The following ENTREP2 variants were observed in gnomAD, a reference collection of about 807,000 sequenced individuals.
ENTREP2 encodes protein ENTREP2.
chr15:29,454,505 C>G, the ENTREP2 span, among the ~76,000 whole-genome samples: 2 of 152,192 alleles, frequency 1.3e-5, no homozygotes, highest in Non-Finnish European at 2.9e-5. Flanking sequence ...TCAGCTCCCC[C>G]ACTCACTATC....
the ENTREP2 span, chr15:29,122,996 G>GTGTGACT: frequency 4.8e-6 from 1 of 206,940 alleles, no homozygotes. Context: ...TTTAGGTGAC[G>GTGTGACT]TAAGTGTCGC....
chr15:29,184,240 C>CTCCCAAAGTGCTGGGATTACA, the ENTREP2 span, among the ~76,000 whole-genome samples: 1 of 152,248 alleles, frequency 6.6e-6, no homozygotes, highest in Non-Finnish European at 1.5e-5. Context: ...CGGCCTCGGC[C>CTCCCAAAGTGCTGGGATTACA]TCCCAAAGTG....
At chr15:29,524,152 C>G in the ENTREP2 span, among the ~76,000 whole-genome samples, 9 of 152,042 alleles carry the variant, frequency 5.9e-5, no homozygotes, top group Non-Finnish European at 1.3e-4. Context: ...ATCCAAAATA[C>G]ATAAATAACT....
chr15:29,123,547 G>C, the ENTREP2 span: 3 of 1,551,782 alleles, frequency 1.9e-6, no homozygotes, highest in East Asian at 7.3e-5. Context: ...TTTGGAGGTC[G>C]CTGGGAAGGG....
At chr15:29,228,474 GGTATAAA>G in the ENTREP2 span, among the ~76,000 whole-genome samples, 1 of 152,120 alleles carries the variant, frequency 6.6e-6, no homozygotes, top group African/African-American at 2.4e-5. Flanking sequence ...TTGTTTGATG[GGTATAAA>G]GTTTCTATTA....
chr15:29,443,833 G>A, the ENTREP2 span, among the ~76,000 whole-genome samples: 2 of 152,062 alleles, frequency 1.3e-5, no homozygotes, highest in African/African-American at 2.4e-5. Context: ...GGCCGGGCGC[G>A]GTGGCTCACA....
chr15:29,522,207 A>G, the ENTREP2 span, among the ~76,000 whole-genome samples: 3 of 152,266 alleles, frequency 2.0e-5, no homozygotes, highest in African/African-American at 4.8e-5. Context: ...ACAAATCTTT[A>G]TAACTCTGGA....
At chr15:29,574,010 G>T in the ENTREP2 span, among the ~76,000 whole-genome samples, 1 of 151,982 alleles carries the variant, frequency 6.6e-6, no homozygotes, top group Non-Finnish European at 1.5e-5. Flanking sequence ...AAGAAAGAAA[G>T]GAAAGAAGAA....
chr15:29,535,305 C>A, the ENTREP2 span, among the ~76,000 whole-genome samples: 18 of 152,192 alleles, frequency 1.2e-4, no homozygotes, highest in Middle Eastern at 3.4e-3. Context: ...CTGAGAGTGT[C>A]CCTTATAACA....
the ENTREP2 span, chr15:29,151,812 G>T: frequency 6.4e-7 from 1 of 1,551,542 alleles, no homozygotes; most frequent in Non-Finnish European, 8.7e-7. Flanking sequence ...TGGACAGGAC[G>T]TTGAGGGCAC....
the ENTREP2 span, among the ~76,000 whole-genome samples, chr15:29,309,801 A>G: frequency 6.6e-6 from 1 of 151,670 alleles, no homozygotes; most frequent in African/African-American, 2.4e-5. Flanking sequence ...AAAAAAAAAA[A>G]AAGTGCTCAG....
At chr15:29,644,828 GAAAA>G in the ENTREP2 span, among the ~76,000 whole-genome samples, 1 of 133,636 alleles carries the variant, frequency 7.5e-6, no homozygotes, top group African/African-American at 2.8e-5. Context: ...AAAAAAAAAA[GAAAA>G]AAAAAGAAAG....
At chr15:29,534,372 C>T in the ENTREP2 span, among the ~76,000 whole-genome samples, 1 of 152,118 alleles carries the variant, frequency 6.6e-6, no homozygotes, top group African/African-American at 2.4e-5. Context: ...GAAAACTGGG[C>T]TTCCAGGATA....
At chr15:29,392,356 C>CA in the ENTREP2 span, among the ~76,000 whole-genome samples, 4 of 124,392 alleles carry the variant, frequency 3.2e-5, no homozygotes, top group Non-Finnish European at 3.3e-5. Context: ...TGACCCCCCC[C>CA]ACCCCCGACC....
the ENTREP2 span, among the ~76,000 whole-genome samples, chr15:29,467,220 G>T: frequency 6.6e-6 from 1 of 152,110 alleles, no homozygotes; most frequent in Admixed American, 6.5e-5. Context: ...AAAGGAAAAG[G>T]AGAAATCGAG....
At chr15:29,536,967 T>G in the ENTREP2 span, among the ~76,000 whole-genome samples, 1 of 152,176 alleles carries the variant, frequency 6.6e-6, no homozygotes, top group African/African-American at 2.4e-5. Context: ...TGTTGATGCC[T>G]TCAGGTTGGA....
chr15:29,462,848 C>T, the ENTREP2 span, among the ~76,000 whole-genome samples: 1 of 152,046 alleles, frequency 6.6e-6, no homozygotes, highest in Non-Finnish European at 1.5e-5. Context: ...CCAGTGAGAA[C>T]CCTCTACAAT....
chr15:29,602,159 G>A, the ENTREP2 span, among the ~76,000 whole-genome samples: 1 of 152,196 alleles, frequency 6.6e-6, no homozygotes, highest in East Asian at 1.9e-4. Flanking sequence ...GTCTTCACAA[G>A]TCCAGTGTAA....
At chr15:29,590,551 G>A in the ENTREP2 span, among the ~76,000 whole-genome samples, 1 of 151,834 alleles carries the variant, frequency 6.6e-6, no homozygotes. Flanking sequence ...AGGCGTGGTG[G>A]CAGGCACCTG....
Sources: allele counts gnomAD v4.1 joint callset (sites outside exome capture counted in the v4.1 genomes callset), GRCh38; gene constraint gnomAD v4.1.1; transcripts MANE v1.5; gene names NCBI Gene and HGNC (gene_info 2026-07-23, HGNC 2026-07-21).